The following WNT7A variants were observed in gnomAD, a reference collection of about 807,000 sequenced individuals.
WNT7A encodes protein Wnt-7a.
A neutral mutation model predicts 28.2 loss-of-function variants in WNT7A; 16 were observed. The ratio of observed to expected loss-of-function variants is 0.57; its 90% confidence interval spans 0.38 to 0.86. The LOEUF (loss-of-function observed/expected upper bound fraction) is 0.86, where lower values mean the gene tolerates loss of function less well. WNT7A is among the 40% of genes least tolerant of loss of function. WNT7A has a pLI of 0.00. For synonymous variants in WNT7A, 190 were observed against 195.9 expected (o/e 0.97, Z 0.25); for missense variants, 411 against 489.7 (o/e 0.84, Z 1.52).
chr3:13,858,120 C>T (rs947367391), intron 2 of WNT7A, among the ~76,000 whole-genome samples: 11 of 152,180 alleles, frequency 7.2e-5, no homozygotes, highest in Non-Finnish European at 1.3e-4. Flanking sequence ...AGCTGCAGAC[C>T]CGGCCTCTGG....
At chr3:13,856,695 G>A (rs535850885) in intron 2 of WNT7A, among the ~76,000 whole-genome samples, 20 of 152,176 alleles carry the variant, frequency 1.3e-4, no homozygotes, top group Middle Eastern at 3.4e-3. Flanking sequence ...ACACATGCTT[G>A]TAATCCCAGC....
chr3:13,859,209 A>C (rs1185254579), intron 2 of WNT7A, among the ~76,000 whole-genome samples: 1 of 152,214 alleles, frequency 6.6e-6, no homozygotes, highest in East Asian at 1.9e-4. Flanking sequence ...TTGTCTGCCC[A>C]GGCAAATTTA....
intron 2 of WNT7A, among the ~76,000 whole-genome samples, chr3:13,856,893 AAAGAAG>A (rs775537679): frequency 0.07 from 5,024 of 72,276 alleles, 171 homozygotes; most frequent in Non-Finnish European, 0.084. Flanking sequence ...AGAAGAAGAA[AAAGAAG>A]AAGAAGAAGA....
intron 3 of WNT7A, among the ~76,000 whole-genome samples, chr3:13,850,464 G>C (rs1280349036): frequency 1.3e-5 from 2 of 152,146 alleles, no homozygotes; most frequent in African/African-American, 4.8e-5. Flanking sequence ...GGCAGGAAGG[G>C]ACAAGACCGA....
At chr3:13,863,075 C>T (rs1176798291) in intron 2 of WNT7A, among the ~76,000 whole-genome samples, 1 of 152,206 alleles carries the variant, frequency 6.6e-6, no homozygotes, top group Non-Finnish European at 1.5e-5. Flanking sequence ...AAATGTCTAC[C>T]TCCCAGGGTT....
chr3:13,868,584 GAGAGAGGGAGAAAGAA>G (rs1559306911), intron 2 of WNT7A, among the ~76,000 whole-genome samples: 3 of 17,952 alleles, frequency 1.7e-4, no homozygotes, highest in African/African-American at 3.1e-4. Flanking sequence ...GAGAGAGAGA[GAGAGAGGGAGAAAGAA>G]AGAAAGAAAG....
At chr3:13,865,623 A>G (rs940682693) in intron 2 of WNT7A, among the ~76,000 whole-genome samples, 3 of 152,212 alleles carry the variant, frequency 2.0e-5, no homozygotes, top group Non-Finnish European at 4.4e-5. Flanking sequence ...AAAACGGAGC[A>G]CCTGCTGTGC....
chr3:13,840,554 G>A (rs887704624), intron 3 of WNT7A, among the ~76,000 whole-genome samples: 1 of 152,034 alleles, frequency 6.6e-6, no homozygotes, highest in Non-Finnish European at 1.5e-5. Context: ...TCAGCTTTTT[G>A]CTCATCCATT....
intron 1 of WNT7A, among the ~76,000 whole-genome samples, chr3:13,877,477 C>T (rs1214387835): frequency 6.6e-6 from 1 of 152,192 alleles, no homozygotes; most frequent in Non-Finnish European, 1.5e-5. Flanking sequence ...CCTCTGAGCA[C>T]CTAGCTGGCC....
chr3:13,855,846 A>G (rs1462796611), intron 2 of WNT7A, among the ~76,000 whole-genome samples: 1 of 152,184 alleles, frequency 6.6e-6, no homozygotes, highest in Non-Finnish European at 1.5e-5. Flanking sequence ...TGGAACCCAG[A>G]GCAGGCAAAG....
In WNT7A at chr3:13,850,039, C is replaced by G. The variant is rs576613036; in HGVS notation, c.570+4493G>C. 1.0e-3 allele frequency among the ~76,000 whole-genome samples: 154 copies of G among 152,344 alleles called. 1 individual carries two copies. The highest frequency in any genetic ancestry group is 1.9e-3 in the Admixed American group (29 of 15,308). ...CCCTGCCATGGAAGAAACCAAGGCC[C>G]TGAAAGGCTGAGATGTGTGCAAGAC... On this transcript the variant is annotated intron_variant, in intron 3 of 3. Coordinates refer to ENST00000285018, the MANE Select transcript of WNT7A (RefSeq NM_004625.4).
chr3:13,856,877 A>G (rs1343440710), intron 2 of WNT7A, among the ~76,000 whole-genome samples: 6 of 131,276 alleles, frequency 4.6e-5, no homozygotes, highest in African/African-American at 1.8e-4. Context: ...AAGAGGAAGA[A>G]GAGGAAGAAG....
rs1022417610 is a variant in WNT7A at position 13,831,237 on chromosome 3, C to A, written c.571-11814G>T. 5.9e-5 allele frequency among the ~76,000 whole-genome samples: 9 copies of A among 152,164 alleles called. No homozygotes were observed. In the East Asian group the frequency reaches 1.7e-3, roughly 29 times the overall value. ...GGCACAAGGGCAGGATCCATGCCCA[C>A]CTCTAATAAAAGCCGCTGCCTCCGA... On this transcript the variant is annotated intron_variant, in intron 3 of 3. Transcript: ENST00000285018.
intron 3 of WNT7A, among the ~76,000 whole-genome samples, chr3:13,835,050 C>T (rs1481502999): frequency 2.0e-5 from 3 of 151,960 alleles, no homozygotes; most frequent in Non-Finnish European, 4.4e-5. Flanking sequence ...GAAGAGGAGT[C>T]GACGAGACAA....
chr3:13,877,812 C>T (rs9874847), intron 1 of WNT7A, among the ~76,000 whole-genome samples: 29,829 of 152,064 alleles, frequency 0.2, 3,507 homozygotes, highest in African/African-American at 0.33. Flanking sequence ...TTATCATTAT[C>T]GTTATCGGAT....
intron 3 of WNT7A, among the ~76,000 whole-genome samples, chr3:13,843,369 G>A (rs1694492672): frequency 6.6e-6 from 1 of 152,194 alleles, no homozygotes; most frequent in South Asian, 2.1e-4. Context: ...GCTCTGACAA[G>A]TACAAATCCT....
intron 3 of WNT7A, among the ~76,000 whole-genome samples, chr3:13,846,350 G>C (rs73019620): frequency 0.023 from 3,459 of 152,278 alleles, 50 homozygotes; most frequent in East Asian, 0.069. Context: ...CTGAGTCCAA[G>C]ACTCCTGAGG....
intron 2 of WNT7A, among the ~76,000 whole-genome samples, chr3:13,871,519 G>T (rs1273463506): frequency 6.6e-6 from 1 of 151,942 alleles, no homozygotes; most frequent in African/African-American, 2.4e-5. Flanking sequence ...TTCCTAGCAG[G>T]CCTTTAGGTT....
At chr3:13,849,938 G>T (rs371252219) in intron 3 of WNT7A, among the ~76,000 whole-genome samples, 4 of 152,138 alleles carry the variant, frequency 2.6e-5, no homozygotes, top group Admixed American at 2.6e-4. Flanking sequence ...GGGGTACAAT[G>T]GTCCCAAGAA....
Sources: gnomAD v4.1 joint callset for allele counts (sites outside exome capture counted in the v4.1 genomes callset) on GRCh38, gnomAD v4.1.1 for gene constraint, MANE v1.5 for transcripts, NCBI Gene and HGNC (gene_info 2026-07-23, HGNC 2026-07-21) for gene names.